NUP93: variants seen among roughly 807,000 people sequenced by gnomAD.
NUP93 encodes nuclear pore complex protein Nup93.
A neutral mutation model predicts 107.8 loss-of-function variants in NUP93; 55 were observed. The ratio of observed to expected loss-of-function variants is 0.51; its 90% CI spans 0.41 to 0.64. The LOEUF (loss-of-function observed/expected upper bound fraction) is 0.64, where lower values mean the gene tolerates loss of function less well. Ranked by LOEUF, NUP93 falls within the 30% of genes least tolerant of loss-of-function variation. The pLI, the probability that NUP93 is intolerant of heterozygous loss-of-function variation, is 0.00. For missense variants in NUP93, 937 were observed against 1,044.7 expected (o/e 0.90, Z 1.42); for synonymous variants, 390 against 397.5 (o/e 0.98, Z 0.22).
intron 1 of NUP93, among the ~76,000 whole-genome samples, chr16:56,745,283 A>G (rs1481207963): frequency 2.0e-5 from 3 of 152,188 alleles, no homozygotes; most frequent in Non-Finnish European, 4.4e-5. Flanking sequence ...GGACCAGCAA[A>G]GAGGCCCCAG....
Position 56,808,191 on chromosome 16 carries a change from T to C in NUP93, c.489+2559T>C, listed in dbSNP as rs373152052. The stretch of plus-strand genomic sequence containing the variant: ...TATAACTATATAAAATATATAGTTA[T>C]ATAACTATATAAAATATATAGTTAT... On this transcript the variant is annotated intron_variant, in intron 5 of 21. Coordinates refer to ENST00000308159, the MANE Select transcript of NUP93 (RefSeq NM_014669.5). 5.3e-3 allele frequency among the ~76,000 whole-genome samples: 658 copies of C among 123,034 alleles called. 17 individuals are homozygous for C. Among genetic ancestry groups the C allele is most frequent in the African/African-American group, 0.011 (331 of 30,354 alleles). The allele number at this position is 123,034 out of a possible 152,430, so 80.7% of individuals were successfully genotyped here.
rs796196473 is a variant in NUP93 at position 56,773,110 on chromosome 16, G to C, written c.297+14455G>C. 9.2e-5 allele frequency among the ~76,000 whole-genome samples: 14 copies of C among 152,340 alleles called. 2 individuals carry two copies. Among genetic ancestry groups the C allele is most frequent in the African/African-American group, 3.4e-4 (14 of 41,584 alleles). On this transcript the variant is annotated intron_variant, in intron 3 of 21. Transcript: ENST00000308159. ...ATTGGTTTTTCCTCACAAGTACTTA[G>C]TAAGTCAAGGTTTGAGGTGAGAGTT... is the stretch of plus-strand genomic sequence containing the variant.
Position 56,818,670 on chromosome 16 carries a change from T to C in NUP93, c.496T>C (p.Tyr166His), listed in dbSNP as rs772741119. 1 of 1,613,890 alleles carries C rather than the reference T, an allele frequency of 6.2e-7. No homozygotes were observed. The highest frequency in any genetic ancestry group is 1.1e-5 in the South Asian group (1 of 91,068). Residue 166 changes from tyrosine (Y) to histidine (H), a missense_variant, in exon 6 of 22, where the codon TAC becomes CAC. Coordinates refer to ENST00000308159, the MANE Select transcript of NUP93 (RefSeq NM_014669.5). ...AATGTGTATTTATCCACAGCCAAGC[T>C]ACATCAGTGATGTGGGACCCCCTGG... Reference protein sequence around the residue: ...LDFTQESEPSYISDVGPPGRS... With the variant: ...LDFTQESEPSHISDVGPPGRS...
intron 3 of NUP93, among the ~76,000 whole-genome samples, chr16:56,786,664 T>G (rs1962634110): frequency 6.6e-6 from 1 of 152,248 alleles, no homozygotes; most frequent in African/African-American, 2.4e-5. Context: ...AAGTTGAGCT[T>G]TTGGGTCCAT....
intron 3 of NUP93, among the ~76,000 whole-genome samples, chr16:56,766,157 A>G (rs1962212650): frequency 6.6e-6 from 1 of 152,206 alleles, no homozygotes; most frequent in South Asian, 2.1e-4. Flanking sequence ...GGGAAATGAC[A>G]GGCTTTTTTG....
intron 5 of NUP93, among the ~76,000 whole-genome samples, chr16:56,809,134 G>T (rs1271873269): frequency 6.6e-6 from 1 of 152,078 alleles, no homozygotes. Context: ...ACATCCAGGA[G>T]CAGCAAAAAA....
At chr16:56,843,819 CTTG>C (rs1171225260) in intron 21 of NUP93, among the ~76,000 whole-genome samples, 1 of 152,156 alleles carries the variant, frequency 6.6e-6, no homozygotes, top group Admixed American at 6.5e-5. Context: ...TCTTTAAATT[CTTG>C]TTACTAGTCC....
chr16:56,798,742 G>A (rs546073837), intron 4 of NUP93, among the ~76,000 whole-genome samples: 58 of 152,084 alleles, frequency 3.8e-4, no homozygotes, highest in African/African-American at 6.5e-4. Context: ...GGTGGCACAC[G>A]TCTGTGGTCC....
intron 5 of NUP93, among the ~76,000 whole-genome samples, chr16:56,808,542 C>CTA (rs1183875559): frequency 2.8e-5 from 3 of 105,396 alleles, no homozygotes; most frequent in South Asian, 5.7e-4. Flanking sequence ...AGTTATATAA[C>CTA]TATAAATATA....
At chr16:56,805,285 C>G (rs1296315579) in intron 4 of NUP93, among the ~76,000 whole-genome samples, 1 of 152,156 alleles carries the variant, frequency 6.6e-6, no homozygotes, top group Non-Finnish European at 1.5e-5. Flanking sequence ...TGGGCTCAAG[C>G]AATCTGCCTG....
chr16:56,806,929 C>G (rs1963154691), intron 5 of NUP93, among the ~76,000 whole-genome samples: 1 of 152,188 alleles, frequency 6.6e-6, no homozygotes, highest in African/African-American at 2.4e-5. Flanking sequence ...CTGTTGCACG[C>G]TGCTACAGTC....
intron 1 of NUP93, among the ~76,000 whole-genome samples, chr16:56,730,503 C>A (rs368195305): frequency 2.0e-5 from 3 of 152,244 alleles, no homozygotes; most frequent in South Asian, 4.1e-4. Flanking sequence ...TCGCGCCACG[C>A]CCCTGCCCTC....
At chr16:56,757,076 T>C (rs1416119576) in intron 2 of NUP93, among the ~76,000 whole-genome samples, 1 of 152,176 alleles carries the variant, frequency 6.6e-6, no homozygotes, top group Non-Finnish European at 1.5e-5. Context: ...CAAAAATCTA[T>C]AGGAAGGAAC....
At chr16:56,783,628 T>C (rs1395717870) in intron 3 of NUP93, 1 of 985,320 alleles carries the variant, frequency 1.0e-6, no homozygotes, top group African/African-American at 1.7e-5. Context: ...AGCGCCTTCA[T>C]CAGAGCTCCT....
chr16:56,834,506 G>C, intron 15 of NUP93, 64 bp downstream of exon 15: 2 of 1,519,388 alleles, frequency 1.3e-6, no homozygotes, highest in Non-Finnish European at 1.8e-6. Flanking sequence ...TGCTCATTCC[G>C]TATTGCGTGT....
intron 3 of NUP93, among the ~76,000 whole-genome samples, chr16:56,765,294 CTT>C (rs1180235852): frequency 1.3e-5 from 2 of 152,144 alleles, no homozygotes; most frequent in Non-Finnish European, 1.5e-5. Flanking sequence ...TATTTATCTC[CTT>C]TGTTATATTC....
chr16:56,754,095 A>G (rs902052895), intron 2 of NUP93, among the ~76,000 whole-genome samples: 1 of 152,128 alleles, frequency 6.6e-6, no homozygotes, highest in Non-Finnish European at 1.5e-5. Flanking sequence ...AAGGGAAGAC[A>G]GGCACATCTT....
rs1964144553 is a variant in NUP93 at position 56,848,805 on chromosome 16, A to G, written c.*4196A>G. The stretch of plus-strand genomic sequence containing the variant: ...ACCTCTTTGTGTGCTGGGCCGTGCT[A>G]GGTAGCTGGAATATCTGAGGTAAAT... On this transcript the variant is annotated 3_prime_UTR_variant, in exon 22 of 22. Coordinates refer to ENST00000308159, the MANE Select transcript of NUP93 (RefSeq NM_014669.5). The G allele has an allele frequency of 6.6e-6, 1 of 152,184 alleles. No homozygotes were observed. Among genetic ancestry groups the G allele is most frequent in the African/African-American group, 2.4e-5 (1 of 41,442 alleles). 9.4% of individuals were successfully genotyped at this position (152,184 alleles called of 1,614,324 possible).
At chr16:56,796,918 G>C (rs543564342) in intron 3 of NUP93, among the ~76,000 whole-genome samples, 1 of 152,106 alleles carries the variant, frequency 6.6e-6, no homozygotes, top group East Asian at 1.9e-4. Context: ...GTTGCAGTGA[G>C]CCGAGATGGC....
Sources: gnomAD v4.1 joint callset for allele counts (sites outside exome capture counted in the v4.1 genomes callset) on GRCh38, gnomAD v4.1.1 for gene constraint, MANE v1.5 for transcripts, NCBI Gene and HGNC (gene_info 2026-07-23, HGNC 2026-07-21) for gene names.